Variants in FBXO8 observed in about 807,000 individuals in gnomAD.
FBXO8 encodes the protein F-box protein 8.
FBXO8 carries 15 observed loss-of-function variants against 33.4 expected under a neutral mutation model. That is an observed-to-expected ratio of 0.45 (90% confidence interval 0.30 to 0.69). The LOEUF (loss-of-function observed/expected upper bound fraction) is 0.69, where lower values mean the gene tolerates loss of function less well. Among genes scored for constraint, FBXO8 ranks in the 30% least tolerant of loss-of-function variants. FBXO8 has a pLI of 0.08. For synonymous variants in FBXO8, 132 were observed against 131.5 expected (o/e 1.00, Z -0.02); for missense variants, 274 against 380.3 (o/e 0.72, Z 2.32).
chr4:174,267,367 T>C lies in FBXO8; in HGVS notation c.-8-4267A>G, dbSNP rs574782091. On this transcript the variant is annotated intron_variant, in intron 1 of 5. Coordinates refer to ENST00000393674, the MANE Select transcript of FBXO8 (RefSeq NM_012180.3). The surrounding 1 kb of genome is among the most constrained non-coding windows in gnomAD (Gnocchi z 4.7). ...GAGTTCAAGACCAGACTGGGCAACA[T>C]AGACCCCGTTTCAACAAAATACAAA... 6.6e-6 allele frequency among the ~76,000 whole-genome samples: 1 copy of C among 152,040 alleles called. No homozygotes were observed. Among genetic ancestry groups the C allele is most frequent in the African/African-American group, 2.4e-5 (1 of 41,382 alleles).
At chr4:174,240,943 G>C (rs929704646) in intron 4 of FBXO8, among the ~76,000 whole-genome samples, 157 bp downstream of exon 4, 1 of 151,628 alleles carries the variant, frequency 6.6e-6, no homozygotes, top group Non-Finnish European at 1.5e-5. Flanking sequence ...CAAAGCTCAC[G>C]AAAGAAATGA....
Position 174,257,287 on chromosome 4 carries a change from C to T in FBXO8, c.456+2412G>A, listed in dbSNP as rs1736438560. On this transcript the variant is annotated intron_variant, in intron 3 of 5. Transcript: ENST00000393674. This position sits in a 1 kb window ranked among gnomAD's most constrained non-coding sequence, Gnocchi z 4.3. ...TTTCATCTTTGTGTAAAAATGATTG[C>T]TTTATAATTTGTTTAAAAATTGGCA... Among the ~76,000 whole-genome samples the T allele has an allele frequency of 6.6e-6, 1 of 152,032 alleles. No individual in the cohort carries two copies. The highest frequency in any genetic ancestry group is 2.4e-5 in the African/African-American group (1 of 41,422).
At chr4:174,239,291 T>C (rs1379516453) in intron 4 of FBXO8, 101 bp from the exon 5 acceptor site, 3 of 633,434 alleles carry the variant, frequency 4.7e-6, no homozygotes, top group Non-Finnish European at 7.7e-6. Context: ...AATACCTTAT[T>C]ACTGATTACT....
chr4:174,262,872 A>C lies in FBXO8; in HGVS notation c.221T>G (p.Leu74Trp), dbSNP rs778620013. The stretch of plus-strand genomic sequence containing the variant: ...GATGGTAAAGCTTAGCTCAGGAGGC[A>C]ACATTTCCAAATTAATGAATCCTTC... ...EQEGFINLEM[L>W]PPELSFTILS... Residue 74 changes from leucine (L) to tryptophan (W), a missense_variant, in exon 2 of 6, where the codon TTG becomes TGG. Coordinates refer to ENST00000393674, the MANE Select transcript of FBXO8 (RefSeq NM_012180.3). This position sits in a 1 kb window ranked among gnomAD's most constrained non-coding sequence, Gnocchi z 4.6. 1 of 1,613,942 alleles carries C rather than the reference A, an allele frequency of 6.2e-7. No individual in the cohort carries two copies. The highest frequency in any genetic ancestry group is 8.5e-7 in the Non-Finnish European group (1 of 1,179,946).
Position 174,257,025 on chromosome 4 carries a change from C to A in FBXO8, c.456+2674G>T, listed in dbSNP as rs1189901305. Among the ~76,000 whole-genome samples the A allele has an allele frequency of 6.6e-6, 1 of 151,966 alleles. No individual in the cohort carries two copies. Among genetic ancestry groups the A allele is most frequent in the East Asian group, 1.9e-4 (1 of 5,186 alleles). ...TTTAATTAATAACTTAAATCCCCTC[C>A]CTTAACAAACATTTGACTTATAATT... On this transcript the variant is annotated intron_variant, in intron 3 of 5. Coordinates refer to ENST00000393674, the MANE Select transcript of FBXO8 (RefSeq NM_012180.3). This position sits in a 1 kb window ranked among gnomAD's most constrained non-coding sequence, Gnocchi z 4.3.
In FBXO8 at chr4:174,275,364, G is replaced by C. The variant is rs1736937013; in HGVS notation, c.-9+8046C>G. ...GTACACTGAGTAAAAATAAAACTAG[G>C]GGAATATGAGTAAGATGGGGGATTG... On this transcript the variant is annotated intron_variant, in intron 1 of 5. Coordinates refer to ENST00000393674, the MANE Select transcript of FBXO8 (RefSeq NM_012180.3). This position sits in a 1 kb window ranked among gnomAD's most constrained non-coding sequence, Gnocchi z 4.4. 6.6e-6 allele frequency among the ~76,000 whole-genome samples: 1 copy of C among 152,006 alleles called. No individual in the cohort carries two copies. Among genetic ancestry groups the C allele is most frequent in the Non-Finnish European group, 1.5e-5 (1 of 67,994 alleles).
At chr4:174,280,527 T>C (rs914212815) in intron 1 of FBXO8, among the ~76,000 whole-genome samples, 3 of 152,146 alleles carry the variant, frequency 2.0e-5, no homozygotes, top group African/African-American at 7.2e-5. Context: ...GGAAAAGATA[T>C]TTGTTCACCC....
At position 174,257,369 on chromosome 4, in the gene FBXO8, T is replaced by C. The variant is rs964159622; in HGVS notation, c.456+2330A>G. Among the ~76,000 whole-genome samples, 9 of 152,174 alleles carry C rather than the reference T, an allele frequency of 5.9e-5. No homozygotes were observed. Among genetic ancestry groups the C allele is most frequent in the African/African-American group, 2.2e-4 (9 of 41,446 alleles). On this transcript the variant is annotated intron_variant, in intron 3 of 5. Transcript: ENST00000393674. The surrounding 1 kb of genome is among the most constrained non-coding windows in gnomAD (Gnocchi z 4.3). ...ATCAATATCAGCAATTACATCCAAC[T>C]TTTCTGACTCTGTAACAATCTACAA...
intron 1 of FBXO8, among the ~76,000 whole-genome samples, chr4:174,282,021 T>C (rs1369261543): frequency 6.6e-6 from 1 of 152,190 alleles, no homozygotes; most frequent in African/African-American, 2.4e-5. Context: ...AGGAAAAAAT[T>C]AGTTGTACAT....
chr4:174,279,040 C>A (rs1463332623), intron 1 of FBXO8, among the ~76,000 whole-genome samples: 1 of 151,776 alleles, frequency 6.6e-6, no homozygotes, highest in African/African-American at 2.4e-5. Context: ...CTATAAAATT[C>A]CATGGTTCCA....
At position 174,272,456 on chromosome 4, in the gene FBXO8, G is replaced by A. The variant is rs1033864264; in HGVS notation, c.-8-9356C>T. On this transcript the variant is annotated intron_variant, in intron 1 of 5. Transcript: ENST00000393674. This position sits in a 1 kb window ranked among gnomAD's most constrained non-coding sequence, Gnocchi z 4.7. ...GTTACTTTCTATTTTTTTCCAAATA[G>A]TTTCAATTGTGGTTGGATGACACTG... Among the ~76,000 whole-genome samples, 1 of 151,984 alleles carries A rather than the reference G, an allele frequency of 6.6e-6. No homozygotes were observed. The highest frequency in any genetic ancestry group is 6.6e-5 in the Admixed American group (1 of 15,250).
At position 174,262,573 on chromosome 4, in the gene FBXO8, T is replaced by C. The variant is rs78894093; in HGVS notation, c.329+191A>G. Among the ~76,000 whole-genome samples the C allele has an allele frequency of 2.4e-3, 359 of 152,356 alleles. 10 individuals are homozygous for C. The East Asian group carries it at 0.046, about 20-fold the overall frequency. On this transcript the variant is annotated intron_variant, in intron 2 of 5. Coordinates refer to ENST00000393674, the MANE Select transcript of FBXO8 (RefSeq NM_012180.3). The surrounding 1 kb of genome is among the most constrained non-coding windows in gnomAD (Gnocchi z 4.6). ...GTAAAGTTATTATTCTATTTTCTAT[T>C]GTCCTCCTTTTCACAAGATCAAATT...
chr4:174,275,486 A>G lies in FBXO8; in HGVS notation c.-9+7924T>C, dbSNP rs749799137. Among the ~76,000 whole-genome samples the G allele has an allele frequency of 6.6e-5, 10 of 152,176 alleles. No homozygotes were observed. Among genetic ancestry groups the G allele is most frequent in the Non-Finnish European group, 1.2e-4 (8 of 68,032 alleles). On this transcript the variant is annotated intron_variant, in intron 1 of 5. Transcript: ENST00000393674. This position sits in a 1 kb window ranked among gnomAD's most constrained non-coding sequence, Gnocchi z 4.4. ...TAAAGTGTACAAGGGATGACTCTATATTTCTTGAGACTGCATGTACATCTA... is the reference window on the plus strand; with the variant it reads ...TAAAGTGTACAAGGGATGACTCTATGTTTCTTGAGACTGCATGTACATCTA...
rs1402898900 is a variant in FBXO8, at chr4:174,251,178, C to T, written c.456+8521G>A. Among the ~76,000 whole-genome samples the T allele has an allele frequency of 6.6e-6, 1 of 152,082 alleles. No individual in the cohort carries two copies. The highest frequency in any genetic ancestry group is 1.5e-5 in the Non-Finnish European group (1 of 68,000). The stretch of plus-strand genomic sequence containing the variant: ...TATCCTAGGATGAAGACATTTTCCA[C>T]TAATTTCAGTTTTTACCCTAGACAA... On this transcript the variant is annotated intron_variant, in intron 3 of 5. Transcript: ENST00000393674. The surrounding 1 kb of genome is among the most constrained non-coding windows in gnomAD (Gnocchi z 4.2).
rs886309062 is a variant in FBXO8, at chr4:174,256,925, A to G, written c.456+2774T>C. On this transcript the variant is annotated intron_variant, in intron 3 of 5. Coordinates refer to ENST00000393674, the MANE Select transcript of FBXO8 (RefSeq NM_012180.3). The surrounding 1 kb of genome is among the most constrained non-coding windows in gnomAD (Gnocchi z 4.6). ...AATCAGGCCAGGGAGTAAAAAAAAAAGAAAATACAGCCAACTCTCAATAAC... is the reference window on the plus strand; with the variant it reads ...AATCAGGCCAGGGAGTAAAAAAAAAGGAAAATACAGCCAACTCTCAATAAC... 2.0e-5 allele frequency among the ~76,000 whole-genome samples: 3 copies of G among 152,116 alleles called. No homozygotes were observed. The highest frequency in any genetic ancestry group is 2.0e-4 in the Admixed American group (3 of 15,264).
intron 3 of FBXO8, among the ~76,000 whole-genome samples, chr4:174,249,232 T>C (rs1364606279): frequency 6.6e-6 from 1 of 152,052 alleles, no homozygotes; most frequent in South Asian, 2.1e-4. Flanking sequence ...ATCATTATTG[T>C]AATTATTATC....
rs1167776404 is a variant in FBXO8, at chr4:174,263,930, A to G, written c.-8-830T>C. ...TATTGACTTCCTCATGTACAAATGT[A>G]TTAGAAAATTCCTAGAGCTAGATTT... On this transcript the variant is annotated intron_variant, in intron 1 of 5. Coordinates refer to ENST00000393674, the MANE Select transcript of FBXO8 (RefSeq NM_012180.3). The surrounding 1 kb of genome is among the most constrained non-coding windows in gnomAD (Gnocchi z 4.2). Among the ~76,000 whole-genome samples, 1 of 152,200 alleles carries G rather than the reference A, an allele frequency of 6.6e-6. No individual in the cohort carries two copies. The highest frequency in any genetic ancestry group is 1.5e-5 in the Non-Finnish European group (1 of 68,022).
chr4:174,265,131 G>A lies in FBXO8; in HGVS notation c.-8-2031C>T, dbSNP rs1478478697. On this transcript the variant is annotated intron_variant, in intron 1 of 5. Coordinates refer to ENST00000393674, the MANE Select transcript of FBXO8 (RefSeq NM_012180.3). The surrounding 1 kb of genome is among the most constrained non-coding windows in gnomAD (Gnocchi z 4.7). ...CAGTGACAATACCAAATGCTGGCAAGAATGTAGGAATGCAAAATGATACAA... is the reference window on the plus strand; with the variant it reads ...CAGTGACAATACCAAATGCTGGCAAAAATGTAGGAATGCAAAATGATACAA... Among the ~76,000 whole-genome samples, 3 of 152,112 alleles carry A rather than the reference G, an allele frequency of 2.0e-5. No individual in the cohort carries two copies. The highest frequency in any genetic ancestry group is 4.4e-5 in the Non-Finnish European group (3 of 67,978).
At position 174,237,141 on chromosome 4, in the gene FBXO8, GTCAGTT is replaced by G. The variant is rs1735904271; in HGVS notation, c.*265_*270del. Reference sequence around the variant, plus strand: ...AATACACCATCTTTTAGAGTATAATGTCAGTTTATCATTCGTTAACAGCTGTGTTAG... The same window carrying G: ...AATACACCATCTTTTAGAGTATAATGTATCATTCGTTAACAGCTGTGTTAG... On this transcript the variant is annotated 3_prime_UTR_variant, in exon 6 of 6. Coordinates refer to ENST00000393674, the MANE Select transcript of FBXO8 (RefSeq NM_012180.3). The surrounding 1 kb of genome is among the most constrained non-coding windows in gnomAD (Gnocchi z 4.4). 6.3e-6 allele frequency: 2 copies of G among 317,904 alleles called. No individual in the cohort carries two copies. Among genetic ancestry groups the G allele is most frequent in the African/African-American group, 4.2e-5 (2 of 47,612 alleles). The allele number at this position is 317,904 out of a possible 1,614,324, so 19.7% of individuals were successfully genotyped here.
Sources: gnomAD v4.1 joint callset for allele counts (sites outside exome capture counted in the v4.1 genomes callset) on GRCh38, gnomAD v4.1.1 for gene constraint, Gnocchi (gnomAD v3.1) non-coding constraint, MANE v1.5 for transcripts, NCBI Gene and HGNC (gene_info 2026-07-23, HGNC 2026-07-21) for gene names.